SVEP1: variants seen among roughly 807,000 people sequenced by gnomAD.
SVEP1 encodes the protein sushi, von Willebrand factor type A, EGF and pentraxin domain containing 1, also known as sushi, von Willebrand factor type A, EGF and pentraxin domain-containing protein 1.
SVEP1 carries 164 observed loss-of-function variants against 367.3 expected under a neutral mutation model. That is an observed-to-expected ratio of 0.45 (90% CI 0.39 to 0.51). SVEP1 has a LOEUF of 0.51. Among genes scored for constraint, SVEP1 ranks in the 20% least tolerant of loss-of-function variants. The probability of loss-of-function intolerance (pLI) is 0.00; values close to 1 mark genes in which losing one functional copy is unlikely to be tolerated. For synonymous variants in SVEP1, 1,666 were observed against 1,611.6 expected, an observed-to-expected ratio of 1.03 and a Z score of -0.81; for missense variants, 4,117 against 4,425.3, an observed-to-expected ratio of 0.93 and a Z score of 1.98.
In SVEP1 at chr9:110,407,953, T is replaced by A. The variant is rs1229231020; in HGVS notation, c.7647A>T (p.Pro2549=). The change falls in exon 38 of 48, where the codon CCA becomes CCT. Residue 2549 remains proline (P), a synonymous_variant. Transcript: ENST00000374469. Reference sequence around the variant, plus strand: ...AATCACAGTGGATGGCATTGCAAGATGGGGCATCTACATCCCAATCACCTG... The same window carrying A: ...AATCACAGTGGATGGCATTGCAAGAAGGGGCATCTACATCCCAATCACCTG... ...LETGDWDVDA[P]SCNAIHCDSP... is the part of the protein sequence containing the mutation. The A allele has an allele frequency of 1.9e-6, 3 of 1,613,974 alleles. No individual in the cohort carries two copies. Among genetic ancestry groups the A allele is most frequent in the Non-Finnish European group, 2.5e-6 (3 of 1,179,884 alleles).
At chr9:110,456,234 A>G (rs58917016) in intron 21 of SVEP1, among the ~76,000 whole-genome samples, 2,296 of 152,182 alleles carry the variant, frequency 0.015, 50 homozygotes, top group African/African-American at 0.052. Flanking sequence ...TAAAAATACA[A>G]ATTCTCAGGC....
chr9:110,390,582 A>AG (rs1310142578), intron 40 of SVEP1, among the ~76,000 whole-genome samples: 1 of 151,540 alleles, frequency 6.6e-6, no homozygotes, highest in East Asian at 1.9e-4. Context: ...ATCTTGGTCT[A>AG]GCAATATATA....
intron 18 of SVEP1, among the ~76,000 whole-genome samples, chr9:110,462,587 G>C (rs1044205865): frequency 6.7e-6 from 1 of 150,056 alleles, no homozygotes; most frequent in African/African-American, 2.5e-5. Flanking sequence ...ACATAAATAC[G>C]CAATTCCTAA....
chr9:110,495,961 T>C (rs1249455623), intron 8 of SVEP1, among the ~76,000 whole-genome samples: 2 of 152,148 alleles, frequency 1.3e-5, no homozygotes, highest in Non-Finnish European at 2.9e-5. Flanking sequence ...AGTCCACATC[T>C]TTTCTTTTCT....
chr9:110,462,611 TGAGAA>T (rs1320692258), intron 18 of SVEP1, among the ~76,000 whole-genome samples: 1 of 151,166 alleles, frequency 6.6e-6, no homozygotes, highest in Non-Finnish European at 1.5e-5. Flanking sequence ...ACTAGTGTCA[TGAGAA>T]AAGAGGGGTG....
At chr9:110,492,035 A>G (rs1829373714) in intron 8 of SVEP1, among the ~76,000 whole-genome samples, 1 of 152,184 alleles carries the variant, frequency 6.6e-6, no homozygotes, top group African/African-American at 2.4e-5. Flanking sequence ...ATCAGCATAT[A>G]TTATCTTTCT....
intron 42 of SVEP1, among the ~76,000 whole-genome samples, chr9:110,386,888 T>G (rs1051916310): frequency 3.3e-5 from 5 of 152,222 alleles, no homozygotes; most frequent in African/African-American, 1.2e-4. Flanking sequence ...TTATCTTAAT[T>G]TATCATATTT....
chr9:110,515,342 C>G (rs1005811582), intron 3 of SVEP1, among the ~76,000 whole-genome samples: 4 of 148,320 alleles, frequency 2.7e-5, no homozygotes, highest in Non-Finnish European at 5.9e-5. Context: ...GCTCTGTCCC[C>G]CAGGCTGGAG....
chr9:110,455,633 G>A lies in SVEP1; in HGVS notation c.3744C>T (p.Asp1248=). ...ACTCACAAATGAATTCCCCAACTAG[G>A]TCTTTACAAACTCCATTGTTGAGGC... is the stretch of plus-strand genomic sequence containing the variant. ...LPCLNNGVCK[D]LVGEFICECP... The change falls in exon 22 of 48, where the codon GAC becomes GAT. Residue 1248 remains aspartate (D), a synonymous_variant. Coordinates refer to ENST00000374469, the MANE Select transcript of SVEP1 (RefSeq NM_153366.4). 6.2e-7 allele frequency: 1 copy of A among 1,613,504 alleles called. No individual in the cohort carries two copies. Among genetic ancestry groups the A allele is most frequent in the Non-Finnish European group, 8.5e-7 (1 of 1,179,688 alleles).
chr9:110,422,994 T>G (rs1828186128), intron 36 of SVEP1, among the ~76,000 whole-genome samples: 1 of 127,572 alleles, frequency 7.8e-6, no homozygotes, highest in South Asian at 2.8e-4. Flanking sequence ...CGGGGAGGGA[T>G]AGCATTGGGA....
intron 3 of SVEP1, 79 bp from the exon 4 acceptor site, chr9:110,514,185 G>A (rs1829765127): frequency 6.6e-7 from 1 of 1,525,096 alleles, no homozygotes; most frequent in South Asian, 1.2e-5. Flanking sequence ...AAATTAATAT[G>A]GGAGAGAAAG....
In SVEP1 at chr9:110,486,160, T is replaced by A. The variant is rs80109255; in HGVS notation, c.1931-2467A>T. Among the ~76,000 whole-genome samples the A allele has an allele frequency of 1.4e-4, 22 of 152,326 alleles. No homozygotes were observed. In the East Asian group the frequency reaches 4.0e-3, roughly 28 times the overall value. ...CAATGCTCATAGCAGGTCAGTGTAC[T>A]TTGAGAATGCTGAATCAAGTCAATT... is the stretch of plus-strand genomic sequence containing the variant. On this transcript the variant is annotated intron_variant, in intron 9 of 47. Transcript: ENST00000374469.
At chr9:110,526,389 C>T (rs1027116893) in intron 3 of SVEP1, among the ~76,000 whole-genome samples, 1 of 152,034 alleles carries the variant, frequency 6.6e-6, no homozygotes, top group Non-Finnish European at 1.5e-5. Context: ...AGACAGTTCA[C>T]TGAAGAAAAG....
intron 5 of SVEP1, among the ~76,000 whole-genome samples, chr9:110,508,760 C>CAA (rs11316319): frequency 0.023 from 1,780 of 76,210 alleles, 35 homozygotes; most frequent in Middle Eastern, 0.055. Flanking sequence ...GACTCCATCT[C>CAA]AAAAAAAAAA....
chr9:110,546,505 G>A (rs559980641), intron 2 of SVEP1, among the ~76,000 whole-genome samples: 1 of 152,306 alleles, frequency 6.6e-6, no homozygotes, highest in East Asian at 1.9e-4. Flanking sequence ...ATTCCAGTCT[G>A]GGACCTCATC....
In SVEP1 at chr9:110,458,518, G is replaced by A; in HGVS notation, c.3529C>T (p.Pro1177Ser). Residue 1177 changes from proline (P) to serine (S), a missense_variant, in exon 20 of 48, where the codon CCT becomes TCT. Physicochemically the swap from Pro to Ser is moderately conservative, Grantham distance 74 (BLOSUM62 -1). Coordinates refer to ENST00000374469, the MANE Select transcript of SVEP1 (RefSeq NM_153366.4). ...FSAAEESVVP[P>S]ASLGHIKKRH... ...TTTTTAATATGTCCAAGAGAGGCAG[G>A]GGGCACCACACTTTCCTCTGCCGCT... 6.2e-7 allele frequency: 1 copy of A among 1,612,944 alleles called. No homozygotes were observed.
chr9:110,524,819 C>T (rs1331603070), intron 3 of SVEP1, among the ~76,000 whole-genome samples: 1 of 151,746 alleles, frequency 6.6e-6, no homozygotes, highest in East Asian at 1.9e-4. Flanking sequence ...TCAAGTGACC[C>T]TCTTACCTTC....
chr9:110,389,157 A>G (rs1827581713), intron 41 of SVEP1, among the ~76,000 whole-genome samples: 1 of 152,174 alleles, frequency 6.6e-6, no homozygotes, highest in African/African-American at 2.4e-5. Flanking sequence ...ACAGCACGTT[A>G]AAAGTATTGG....
chr9:110,489,594 G>A (rs1227838585), intron 9 of SVEP1, 56 bp downstream of exon 9: 2 of 1,532,958 alleles, frequency 1.3e-6, no homozygotes, highest in African/African-American at 1.4e-5. Context: ...GGAATTATGG[G>A]AGCCACAGTT....
Sources: allele counts gnomAD v4.1 joint callset (sites outside exome capture counted in the v4.1 genomes callset), GRCh38; gene constraint gnomAD v4.1.1; transcripts MANE v1.5; gene names NCBI Gene and HGNC (gene_info 2026-07-23, HGNC 2026-07-21).